Variants in SRGAP3 observed in about 807,000 individuals in gnomAD.
SRGAP3 encodes SLIT-ROBO Rho GTPase-activating protein 3.
In SRGAP3, 39 loss-of-function variants were observed where a neutral mutation model predicts 121.1. That is an observed-to-expected ratio of 0.32 (90% CI 0.25 to 0.42). The LOEUF (loss-of-function observed/expected upper bound fraction) is 0.42. Ranked by LOEUF, SRGAP3 falls within the 10% of genes least tolerant of loss-of-function variation. The pLI, the probability that SRGAP3 is intolerant of heterozygous loss-of-function variation, is 1.00. For synonymous variants in SRGAP3, 601 were observed against 570.0 expected, an observed-to-expected ratio of 1.05 and a Z score of -0.77; for missense variants, 1,213 against 1,470.6, an observed-to-expected ratio of 0.82 and a Z score of 2.86.
chr3:9,182,759 T>C (rs1951460336), intron 1 of SRGAP3, among the ~76,000 whole-genome samples: 1 of 152,188 alleles, frequency 6.6e-6, no homozygotes, highest in Non-Finnish European at 1.5e-5. Context: ...GCTCAAGTGA[T>C]GCTCCTGCCT....
At chr3:9,223,000 C>A (rs1952863893) in intron 1 of SRGAP3, among the ~76,000 whole-genome samples, 1 of 152,204 alleles carries the variant, frequency 6.6e-6, no homozygotes, top group Admixed American at 6.5e-5. Flanking sequence ...GCCACTATGC[C>A]ACCAGTGCTA....
At chr3:9,079,499 G>C (rs757706896) in intron 4 of SRGAP3, among the ~76,000 whole-genome samples, 21 of 152,240 alleles carry the variant, frequency 1.4e-4, no homozygotes, top group Non-Finnish European at 2.6e-4. Context: ...ACCACACTGT[G>C]ATGTTATGAA....
At chr3:9,228,292 A>C (rs1953064964) in intron 1 of SRGAP3, among the ~76,000 whole-genome samples, 2 of 152,168 alleles carry the variant, frequency 1.3e-5, no homozygotes, top group Admixed American at 1.3e-4. Context: ...ACAGGCACCC[A>C]GTGCCGCCAG....
intron 1 of SRGAP3, among the ~76,000 whole-genome samples, chr3:9,209,205 T>A (rs537639179): frequency 3.3e-5 from 5 of 152,260 alleles, no homozygotes; most frequent in African/African-American, 1.2e-4. Context: ...TCCTAACACA[T>A]ATGATTACTT....
chr3:9,063,021 T>G (rs1294436505), intron 5 of SRGAP3, among the ~76,000 whole-genome samples: 1 of 152,192 alleles, frequency 6.6e-6, no homozygotes, highest in South Asian at 2.1e-4. Flanking sequence ...TCACCAATAC[T>G]TCCTATAGTC....
intron 3 of SRGAP3, among the ~76,000 whole-genome samples, chr3:9,088,248 G>A (rs1211939443): frequency 6.6e-6 from 1 of 152,136 alleles, no homozygotes; most frequent in Non-Finnish European, 1.5e-5. Flanking sequence ...TCATGCACAG[G>A]GAGTGTGTGG....
At chr3:8,997,623 G>A (rs1015400059) in intron 18 of SRGAP3, among the ~76,000 whole-genome samples, 7 of 152,052 alleles carry the variant, frequency 4.6e-5, no homozygotes, top group African/African-American at 1.7e-4. Flanking sequence ...ATCTGCTCTT[G>A]CCTCACTAAG....
intron 1 of SRGAP3, among the ~76,000 whole-genome samples, chr3:9,198,743 G>A (rs1048745067): frequency 1.3e-5 from 2 of 152,148 alleles, no homozygotes; most frequent in African/African-American, 4.8e-5. Context: ...AGGGCCCAGA[G>A]GCCTTGTCCT....
At chr3:9,088,280 G>C (rs1947585146) in intron 3 of SRGAP3, among the ~76,000 whole-genome samples, 2 of 152,138 alleles carry the variant, frequency 1.3e-5, no homozygotes, top group East Asian at 1.9e-4. Flanking sequence ...CGGTGACATG[G>C]GGCCAAGGAG....
intron 2 of SRGAP3, among the ~76,000 whole-genome samples, chr3:9,119,946 C>T (rs534639044): frequency 6.6e-6 from 1 of 152,238 alleles, no homozygotes; most frequent in Non-Finnish European, 1.5e-5. Flanking sequence ...AATCACCCAG[C>T]TGAGCCCTGT....
intron 1 of SRGAP3, among the ~76,000 whole-genome samples, chr3:9,355,084 G>A (rs987120668): frequency 1.3e-5 from 2 of 152,126 alleles, no homozygotes; most frequent in Admixed American, 6.6e-5. Context: ...CTCGTTCTTG[G>A]CCATGCATCT....
rs751871592 is a variant in SRGAP3, at chr3:9,010,375, G to C, written c.2160C>G (p.His720Gln). 4 of 1,614,024 alleles carry C rather than the reference G, an allele frequency of 2.5e-6. No individual in the cohort carries two copies. The highest frequency in any genetic ancestry group is 3.3e-5 in the Admixed American group (2 of 60,004). ...CTTCATCGATGGCCCCTGGCTCGCT[G>C]TGTGGGCTGTCACTGCAAGGAAACA... Reference protein sequence around the residue: ...AGGEEYCDSPHSEPGAIDEVD... With the variant: ...AGGEEYCDSPQSEPGAIDEVD... The change falls in exon 18 of 22, where the codon CAC becomes CAG. Residue 720 changes from histidine to glutamine, a missense_variant. Transcript: ENST00000383836.
intron 2 of SRGAP3, 52 bp from the exon 3 acceptor site, chr3:9,104,894 A>C: frequency 6.2e-7 from 1 of 1,610,572 alleles, no homozygotes; most frequent in Non-Finnish European, 8.5e-7. Context: ...GTCATCCAAC[A>C]GTGGTTTATG....
chr3:9,166,944 A>G (rs1448719349), intron 1 of SRGAP3, among the ~76,000 whole-genome samples: 4 of 151,970 alleles, frequency 2.6e-5, no homozygotes, highest in African/African-American at 9.7e-5. Context: ...GAACTGCCCT[A>G]CCTCTGAAAT....
At position 9,064,489 on chromosome 3, in the gene SRGAP3, A is replaced by G; in HGVS notation, c.579T>C (p.Asn193=). The change falls in exon 5 of 22, where the codon AAT becomes AAC. Residue 193 remains asparagine (N), a synonymous_variant. Coordinates refer to ENST00000383836, the MANE Select transcript of SRGAP3 (RefSeq NM_014850.4). ...EAEKQEEKQF[N]KSGDLSMNLL... is the part of the protein sequence containing the mutation. ...GGTTCATGCTGAGGTCTCCTGACTTATTGAACTGCTTCTCCTCCTGCTTCT... is the reference window on the plus strand; with the variant it reads ...GGTTCATGCTGAGGTCTCCTGACTTGTTGAACTGCTTCTCCTCCTGCTTCT... 6.2e-7 allele frequency: 1 copy of G among 1,614,180 alleles called. No individual in the cohort carries two copies. Among genetic ancestry groups the G allele is most frequent in the African/African-American group, 1.3e-5 (1 of 75,046 alleles).
At chr3:9,194,214 C>A (rs1951852896) in intron 1 of SRGAP3, 1 of 152,162 alleles carries the variant, frequency 6.6e-6, no homozygotes, top group African/African-American at 2.4e-5. Flanking sequence ...AAATCCTTTT[C>A]CAATAGGGTA....
chr3:9,103,479 G>A (rs1313662755), intron 3 of SRGAP3, among the ~76,000 whole-genome samples: 2 of 152,158 alleles, frequency 1.3e-5, no homozygotes, highest in African/African-American at 2.4e-5. Flanking sequence ...TTTCACAAAT[G>A]AGGAAACTGA....
intron 2 of SRGAP3, among the ~76,000 whole-genome samples, chr3:9,110,198 A>G (rs2124930849): frequency 6.6e-6 from 1 of 152,008 alleles, no homozygotes; most frequent in Admixed American, 6.5e-5. Context: ...GTTGAGAGAG[A>G]GCAAAAGATG....
chr3:9,042,102 CAAAA>C (rs370049198), intron 10 of SRGAP3, among the ~76,000 whole-genome samples: 2 of 98,170 alleles, frequency 2.0e-5, no homozygotes, highest in Non-Finnish European at 4.3e-5. Flanking sequence ...GACGCCATCT[CAAAA>C]AAAAAAAAAA....
Sources: allele counts gnomAD v4.1 joint callset (sites outside exome capture counted in the v4.1 genomes callset), GRCh38; gene constraint gnomAD v4.1.1; transcripts MANE v1.5; gene names NCBI Gene and HGNC (gene_info 2026-07-23, HGNC 2026-07-21).